The following RPS6KC1 variants were observed in gnomAD, a reference collection of about 807,000 sequenced individuals.
RPS6KC1 encodes the protein ribosomal protein S6 kinase C1, also known as inactive ribosomal protein S6 kinase delta-1.
RPS6KC1 carries 54 observed loss-of-function variants against 103.8 expected under a neutral mutation model. The ratio of observed to expected loss-of-function variants is 0.52; its 90% CI spans 0.42 to 0.65. The LOEUF (loss-of-function observed/expected upper bound fraction) is 0.65. RPS6KC1 is among the 30% of genes least tolerant of loss of function. RPS6KC1 has a pLI of 0.00. For synonymous variants in RPS6KC1, 439 were observed against 438.7 expected (o/e 1.00, Z -0.01); for missense variants, 1,151 against 1,253.8 (o/e 0.92, Z 1.24).
the RPS6KC1 span, among the ~76,000 whole-genome samples, chr1:213,592,001 G>T: frequency 6.6e-5 from 10 of 152,180 alleles, no homozygotes; most frequent in African/African-American, 2.4e-4. Flanking sequence ...TTCCAAAGGG[G>T]GTTAAGAGCT....
the RPS6KC1 span, among the ~76,000 whole-genome samples, chr1:213,353,747 G>T: frequency 4.6e-5 from 7 of 152,190 alleles, no homozygotes; most frequent in Non-Finnish European, 8.8e-5. Context: ...TTTCCATCTT[G>T]TTGGGAAGAT....
chr1:213,435,796 G>A, the RPS6KC1 span, among the ~76,000 whole-genome samples: 7 of 152,246 alleles, frequency 4.6e-5, no homozygotes, highest in African/African-American at 1.7e-4. Context: ...ATACTTGATG[G>A]GAACTTGTGC....
At chr1:213,737,915 C>T in the RPS6KC1 span, among the ~76,000 whole-genome samples, 6 of 152,332 alleles carry the variant, frequency 3.9e-5, no homozygotes, top group African/African-American at 7.2e-5. Flanking sequence ...ATGCTAATCT[C>T]GGAACAGTTT....
chr1:213,852,862 A>G, the RPS6KC1 span, among the ~76,000 whole-genome samples: 78 of 152,204 alleles, frequency 5.1e-4, 1 homozygote, highest in South Asian at 1.0e-3. Context: ...AAGAGTCTCA[A>G]AGTGTGCGTG....
chr1:213,170,265 T>C (rs2091369552), intron 7 of RPS6KC1, among the ~76,000 whole-genome samples: 1 of 152,222 alleles, frequency 6.6e-6, no homozygotes, highest in South Asian at 2.1e-4. Context: ...TTGAGCCTCC[T>C]GTATAGTTTT....
chr1:213,637,641 C>T, the RPS6KC1 span, among the ~76,000 whole-genome samples: 88 of 152,064 alleles, frequency 5.8e-4, no homozygotes, highest in Middle Eastern at 6.8e-3. Flanking sequence ...TTTAACTGTA[C>T]GAAACCGTGA....
intron 3 of RPS6KC1, among the ~76,000 whole-genome samples, chr1:213,104,182 A>G (rs1409338204): frequency 6.6e-6 from 1 of 152,136 alleles, no homozygotes; most frequent in Non-Finnish European, 1.5e-5. Context: ...TTAAATGTCA[A>G]CTTTCTTAAA....
chr1:213,389,193 A>G, the RPS6KC1 span, among the ~76,000 whole-genome samples: 22 of 152,198 alleles, frequency 1.4e-4, no homozygotes, highest in East Asian at 4.1e-3. Flanking sequence ...GCATTTACAA[A>G]TGGTAATGTA....
the RPS6KC1 span, among the ~76,000 whole-genome samples, chr1:213,769,047 G>T: frequency 1.3e-5 from 2 of 152,142 alleles, no homozygotes; most frequent in Admixed American, 6.6e-5. Context: ...ACAATATATA[G>T]ACAGAGGGAA....
chr1:213,654,155 A>G, the RPS6KC1 span, among the ~76,000 whole-genome samples: 1 of 152,222 alleles, frequency 6.6e-6, no homozygotes, highest in Non-Finnish European at 1.5e-5. Context: ...GACAGCTCCA[A>G]GTATTTTTTT....
the RPS6KC1 span, among the ~76,000 whole-genome samples, chr1:213,809,802 A>G: frequency 2.0e-5 from 3 of 152,218 alleles, no homozygotes; most frequent in South Asian, 6.2e-4. Flanking sequence ...AGACAGCATA[A>G]ACAAGATGAA....
chr1:213,392,797 T>G, the RPS6KC1 span, among the ~76,000 whole-genome samples: 926 of 152,336 alleles, frequency 6.1e-3, 9 homozygotes, highest in African/African-American at 0.021. Context: ...AACGCATGCA[T>G]CTTCCAGAGC....
At chr1:213,281,975 G>A in the RPS6KC1 span, among the ~76,000 whole-genome samples, 256 of 152,242 alleles carry the variant, frequency 1.7e-3, no homozygotes, top group Non-Finnish European at 2.6e-3. Flanking sequence ...CCCTTGCTCC[G>A]TCTCTTTCTT....
chr1:213,109,253 CA>C (rs2082781126), intron 4 of RPS6KC1, among the ~76,000 whole-genome samples: 1 of 152,156 alleles, frequency 6.6e-6, no homozygotes. Context: ...TCTCCTGCTT[CA>C]GCCTCCTGGT....
chr1:213,198,870 AAATTT>A (rs1017194975), intron 8 of RPS6KC1, among the ~76,000 whole-genome samples: 7 of 152,200 alleles, frequency 4.6e-5, no homozygotes, highest in African/African-American at 1.7e-4. Context: ...ACCAGTTTTT[AAATTT>A]ACCCAAATAA....
intron 8 of RPS6KC1, among the ~76,000 whole-genome samples, chr1:213,202,139 A>C (rs1226196588): frequency 6.6e-6 from 1 of 152,206 alleles, no homozygotes; most frequent in Non-Finnish European, 1.5e-5. Context: ...GTTTAAACTC[A>C]GGTCTCTTTC....
At chr1:213,735,206 T>G in the RPS6KC1 span, among the ~76,000 whole-genome samples, 1 of 152,232 alleles carries the variant, frequency 6.6e-6, no homozygotes, top group South Asian at 2.1e-4. Context: ...TCCAGGAGAA[T>G]GCTTCCCTGA....
At chr1:213,610,871 C>T in the RPS6KC1 span, among the ~76,000 whole-genome samples, 3 of 152,160 alleles carry the variant, frequency 2.0e-5, no homozygotes, top group Admixed American at 6.5e-5. Context: ...TGCATTTGCT[C>T]GCAGGAACAA....
chr1:213,225,681 G>A (rs371638082), intron 8 of RPS6KC1, among the ~76,000 whole-genome samples: 2 of 152,100 alleles, frequency 1.3e-5, no homozygotes, highest in Non-Finnish European at 2.9e-5. Flanking sequence ...GAGCCACTGC[G>A]CCCAGCCGGT....
Sources: gnomAD v4.1 joint callset for allele counts (sites outside exome capture counted in the v4.1 genomes callset) on GRCh38, gnomAD v4.1.1 for gene constraint, MANE v1.5 for transcripts, NCBI Gene and HGNC (gene_info 2026-07-23, HGNC 2026-07-21) for gene names.